CD38: variants seen among roughly 807,000 people sequenced by gnomAD.
CD38 encodes CD38 molecule, also known as ADP-ribosyl cyclase/cyclic ADP-ribose hydrolase 1.
A neutral mutation model predicts 36.3 loss-of-function variants in CD38; 31 were observed. The ratio of observed to expected loss-of-function variants is 0.85; its 90% confidence interval spans 0.64 to 1.15. The LOEUF (loss-of-function observed/expected upper bound fraction) is 1.15, where lower values mean the gene tolerates loss of function less well. Ranked by LOEUF, CD38 falls within the 50% of genes most tolerant of loss-of-function variation. CD38 has a pLI of 0.00. For synonymous variants in CD38, 131 were observed against 135.2 expected (o/e 0.97, Z 0.22); for missense variants, 380 against 371.9 (o/e 1.02, Z -0.18).
chr4:15,852,522 T>C lies in CD38; in HGVS notation c.*3920T>C, dbSNP rs958304485. The C allele has an allele frequency of 6.6e-6, 1 of 152,244 alleles. No individual in the cohort carries two copies. The highest frequency in any genetic ancestry group is 2.4e-5 in the African/African-American group (1 of 41,466). The allele number at this position is 152,244 out of a possible 1,614,324, so 9.4% of individuals were successfully genotyped here. ...GTTTTTAAGTATGACATAAAAATTG[T>C]ATAAAGTAAAATATTAAAATACACC... On this transcript the variant is annotated 3_prime_UTR_variant, in exon 8 of 8. Transcript: ENST00000226279.
In CD38 at chr4:15,839,418, T is replaced by TC. The variant is rs1228010947; in HGVS notation, c.660-608_660-607insC. 6.3e-5 allele frequency among the ~76,000 whole-genome samples: 6 copies of TC among 94,840 alleles called. No individual in the cohort carries two copies. The South Asian group carries it at 2.7e-3, about 43-fold the overall frequency. 62.2% of individuals were successfully genotyped at this position (94,840 alleles called of 152,430 possible). ...TAGTGGTTGAAATTCTACATTTCTT[T>TC]TTTTTTTTTTTTTTTTTTTTTTTGA... is the stretch of plus-strand genomic sequence containing the variant. On this transcript the variant is annotated intron_variant, in intron 5 of 7. Transcript: ENST00000226279.
At chr4:15,806,478 C>A (rs988428717) in intron 1 of CD38, among the ~76,000 whole-genome samples, 1 of 152,192 alleles carries the variant, frequency 6.6e-6, no homozygotes, top group African/African-American at 2.4e-5. Flanking sequence ...AGGGAAGATG[C>A]TAATACCCCG....
intron 1 of CD38, among the ~76,000 whole-genome samples, chr4:15,815,714 G>A (rs1420875875): frequency 6.6e-6 from 1 of 152,150 alleles, no homozygotes. Context: ...TGCACACAGA[G>A]ACAATTTGAC....
intron 1 of CD38, among the ~76,000 whole-genome samples, chr4:15,783,327 CAG>C (rs1331703822): frequency 6.6e-6 from 1 of 152,160 alleles, no homozygotes; most frequent in Admixed American, 6.5e-5. Flanking sequence ...GGAAGATATC[CAG>C]AGAGTGTAAC....
chr4:15,824,399 G>A (rs1176294354), intron 2 of CD38, among the ~76,000 whole-genome samples: 3 of 151,798 alleles, frequency 2.0e-5, no homozygotes, highest in African/African-American at 7.3e-5. Context: ...CCTTTAAGAG[G>A]GACCCTTAAA....
intron 1 of CD38, among the ~76,000 whole-genome samples, chr4:15,794,690 A>G (rs1723072886): frequency 6.6e-6 from 1 of 152,178 alleles, no homozygotes. Flanking sequence ...CAACTCTTGC[A>G]AGAGGTTTTG....
Position 15,792,989 on chromosome 4 carries a change from G to C in CD38, c.233+14342G>C, listed in dbSNP as rs572003376. 5.9e-5 allele frequency among the ~76,000 whole-genome samples: 9 copies of C among 152,078 alleles called. No homozygotes were observed. The East Asian group carries it at 1.7e-3, about 29-fold the overall frequency. Reference sequence around the variant, plus strand: ...GCATATTAATTTATTAAACAGACTGGGCAATTCATCTTGTAGAATTTCCCA... The same window carrying C: ...GCATATTAATTTATTAAACAGACTGCGCAATTCATCTTGTAGAATTTCCCA... On this transcript the variant is annotated intron_variant, in intron 1 of 7. Coordinates refer to ENST00000226279, the MANE Select transcript of CD38 (RefSeq NM_001775.4).
chr4:15,816,620 C>T lies in CD38; in HGVS notation c.343C>T (p.Gln115Ter). 6.2e-7 allele frequency: 1 copy of T among 1,613,908 alleles called. No individual in the cohort carries two copies. The highest frequency in any genetic ancestry group is 8.5e-7 in the Non-Finnish European group (1 of 1,179,854). Residue 115 changes from glutamine (Q) to a stop codon, truncating the protein, a stop_gained, in exon 2 of 8, where the codon CAG (glutamine) becomes TAG (stop). Transcript: ENST00000226279. LOFTEE classifies it high-confidence loss of function. ...DYQPLMKLGTQTVPCNKILLW... is the reference protein window; with the variant it reads ...DYQPLMKLGT ...TCAGCCACTAATGAAGTTGGGAACT[C>T]AGACCGTACCTTGCAACAAGGTAAT... is the stretch of plus-strand genomic sequence containing the variant.
intron 2 of CD38, among the ~76,000 whole-genome samples, chr4:15,824,293 G>A (rs1723799751): frequency 1.3e-5 from 2 of 151,362 alleles, no homozygotes; most frequent in Admixed American, 6.6e-5. Flanking sequence ...TGTATACCCT[G>A]GATATACATG....
chr4:15,806,985 A>C (rs1723356258), intron 1 of CD38, among the ~76,000 whole-genome samples: 1 of 152,142 alleles, frequency 6.6e-6, no homozygotes. Flanking sequence ...TTGATTCTTT[A>C]ATATCACCTT....
chr4:15,827,214 T>C (rs1723868731), intron 3 of CD38, among the ~76,000 whole-genome samples: 1 of 152,150 alleles, frequency 6.6e-6, no homozygotes, highest in South Asian at 2.1e-4. Flanking sequence ...TCAGACTAAC[T>C]TGAGAAACTT....
intron 1 of CD38, among the ~76,000 whole-genome samples, chr4:15,807,008 T>A (rs1001507455): frequency 1.3e-5 from 2 of 152,154 alleles, no homozygotes; most frequent in Non-Finnish European, 2.9e-5. Flanking sequence ...AGATTGTTTG[T>A]TATTGTCAAT....
chr4:15,801,664 A>G lies in CD38; in HGVS notation c.234-14847A>G, dbSNP rs74480947. ...ATATGCAAATCAACAAACATAATAC[A>G]TCCCATCAACGGAATGAAGGACAAA... On this transcript the variant is annotated intron_variant, in intron 1 of 7. Coordinates refer to ENST00000226279, the MANE Select transcript of CD38 (RefSeq NM_001775.4). 4.3e-4 allele frequency among the ~76,000 whole-genome samples: 65 copies of G among 152,276 alleles called. 2 individuals are homozygous for G. The East Asian group carries it at 6.9e-3, about 16-fold the overall frequency.
At chr4:15,785,194 A>C (rs1722788769) in intron 1 of CD38, among the ~76,000 whole-genome samples, 1 of 152,046 alleles carries the variant, frequency 6.6e-6, no homozygotes, top group Non-Finnish European at 1.5e-5. Context: ...TTACCTGTGG[A>C]AGGAAGGGTA....
intron 2 of CD38, 97 bp downstream of exon 2, chr4:15,816,737 A>G (rs1030677389): frequency 7.7e-7 from 1 of 1,294,164 alleles, no homozygotes; most frequent in Non-Finnish European, 1.1e-6. Flanking sequence ...GGAAGAGGAA[A>G]AATCCAGACA....
chr4:15,791,379 C>T (rs1184233644), intron 1 of CD38, among the ~76,000 whole-genome samples: 1 of 35,900 alleles, frequency 2.8e-5, no homozygotes. Flanking sequence ...CCCGGCCGGC[C>T]GCCCCGTCCG....
At chr4:15,790,454 G>T (rs1357466234) in intron 1 of CD38, among the ~76,000 whole-genome samples, 1 of 138,700 alleles carries the variant, frequency 7.2e-6, no homozygotes, top group Admixed American at 7.2e-5. Context: ...CCGGGATTGC[G>T]GACGGAGTCT....
chr4:15,793,289 T>C (rs1723043477), intron 1 of CD38, among the ~76,000 whole-genome samples: 1 of 152,006 alleles, frequency 6.6e-6, no homozygotes, highest in Non-Finnish European at 1.5e-5. Context: ...AGAAAATATA[T>C]CCATTTTGAG....
At position 15,824,948 on chromosome 4, in the gene CD38, C is replaced by T. The variant is rs369214160; in HGVS notation, c.431C>T (p.Thr144Ile). 1 of 1,613,928 alleles carries T rather than the reference C, an allele frequency of 6.2e-7. No homozygotes were observed. Among genetic ancestry groups the T allele is most frequent in the Non-Finnish European group, 8.5e-7 (1 of 1,179,868 alleles). ...ACACAGGTCCAGCGGGACATGTTCA[C>T]CCTGGAGGACACGCTGCTAGGCTAC... ...QFTQVQRDMF[T>I]LEDTLLGYLA... is the part of the protein sequence containing the mutation. The change falls in exon 3 of 8, where the codon ACC becomes ATC. Residue 144 changes from threonine to isoleucine, a missense_variant. Coordinates refer to ENST00000226279, the MANE Select transcript of CD38 (RefSeq NM_001775.4).
Sources: allele counts gnomAD v4.1 joint callset (sites outside exome capture counted in the v4.1 genomes callset), GRCh38; gene constraint gnomAD v4.1.1; transcripts MANE v1.5; gene names NCBI Gene and HGNC (gene_info 2026-07-23, HGNC 2026-07-21).